Variants in ZMAT4 observed in about 807,000 individuals in gnomAD.
ZMAT4 encodes the protein zinc finger matrin-type protein 4.
A neutral mutation model predicts 28.7 loss-of-function variants in ZMAT4; 17 were observed. The observed-to-expected ratio is 0.59, with a 90% confidence interval of 0.41 to 0.89. The LOEUF (loss-of-function observed/expected upper bound fraction) is 0.89. Ranked by LOEUF, ZMAT4 falls within the 40% of genes least tolerant of loss-of-function variation. ZMAT4 has a pLI of 0.00. For synonymous variants in ZMAT4, 117 were observed against 109.2 expected (o/e 1.07, Z -0.44); for missense variants, 240 against 283.8 (o/e 0.85, Z 1.11).
intron 1 of ZMAT4, among the ~76,000 whole-genome samples, chr8:40,841,817 T>G (rs972129055): frequency 1.4e-4 from 21 of 152,322 alleles, no homozygotes; most frequent in South Asian, 2.1e-4. Flanking sequence ...CCAGTAGAAC[T>G]CCCTGTTTCT....
chr8:40,857,113 G>C (rs1817326381), intron 1 of ZMAT4, among the ~76,000 whole-genome samples: 1 of 152,204 alleles, frequency 6.6e-6, no homozygotes. Context: ...TGGAGGGAGG[G>C]AGGCAAGTGA....
intron 1 of ZMAT4, among the ~76,000 whole-genome samples, chr8:40,881,492 A>AAAGG (rs1371721936): frequency 4.8e-5 from 7 of 146,530 alleles, no homozygotes; most frequent in Non-Finnish European, 1.5e-5. Context: ...AGAAAGAAAG[A>AAAGG]AAGAAAGAGG....
chr8:40,800,672 T>C (rs60541898), intron 2 of ZMAT4, among the ~76,000 whole-genome samples: 20,560 of 149,404 alleles, frequency 0.14, 1,943 homozygotes, highest in East Asian at 0.34. Flanking sequence ...CAAAAAAAAC[T>C]CAAGAAACAC....
At chr8:40,570,189 T>C (rs1264735095) in intron 6 of ZMAT4, among the ~76,000 whole-genome samples, 1 of 152,182 alleles carries the variant, frequency 6.6e-6, no homozygotes, top group Non-Finnish European at 1.5e-5. Context: ...AAGACTAGAC[T>C]ACAGTGATAG....
At chr8:40,888,210 G>A (rs1473435686) in intron 1 of ZMAT4, among the ~76,000 whole-genome samples, 1 of 152,184 alleles carries the variant, frequency 6.6e-6, no homozygotes, top group African/African-American at 2.4e-5. Flanking sequence ...CATCAGGTAG[G>A]CCAGCAGGAA....
At chr8:40,657,236 G>A (rs548243343) in intron 5 of ZMAT4, among the ~76,000 whole-genome samples, 2 of 152,044 alleles carry the variant, frequency 1.3e-5, no homozygotes, top group African/African-American at 2.4e-5. Flanking sequence ...CAAAGAAAGC[G>A]TGTTATGCTA....
At chr8:40,872,629 G>A (rs1817902350) in intron 1 of ZMAT4, among the ~76,000 whole-genome samples, 1 of 152,202 alleles carries the variant, frequency 6.6e-6, no homozygotes, top group African/African-American at 2.4e-5. Flanking sequence ...GGTGACAGCA[G>A]AGTACTCCTT....
intron 5 of ZMAT4, among the ~76,000 whole-genome samples, chr8:40,610,115 C>T (rs1276798738): frequency 6.6e-6 from 1 of 152,160 alleles, no homozygotes; most frequent in South Asian, 2.1e-4. Context: ...TCTAATAATT[C>T]CAGTCTTTGA....
chr8:40,768,122 C>T (rs1300095401), intron 2 of ZMAT4, among the ~76,000 whole-genome samples: 1 of 152,180 alleles, frequency 6.6e-6, no homozygotes, highest in Non-Finnish European at 1.5e-5. Context: ...GGTCTGGGGA[C>T]AATGCCTCCT....
intron 2 of ZMAT4, among the ~76,000 whole-genome samples, chr8:40,802,647 C>A (rs1377794451): frequency 6.6e-6 from 1 of 152,084 alleles, no homozygotes; most frequent in Non-Finnish European, 1.5e-5. Context: ...CCAATTTATT[C>A]TATAGATTCA....
chr8:40,774,815 G>T (rs372796375), intron 2 of ZMAT4, among the ~76,000 whole-genome samples: 34 of 152,114 alleles, frequency 2.2e-4, no homozygotes, highest in African/African-American at 7.5e-4. Flanking sequence ...GATTAGCATT[G>T]TTTATATGGA....
At chr8:40,791,707 C>T (rs1043945330) in intron 2 of ZMAT4, among the ~76,000 whole-genome samples, 1 of 152,180 alleles carries the variant, frequency 6.6e-6, no homozygotes, top group African/African-American at 2.4e-5. Context: ...TAGCTATTGA[C>T]CAACTACGGA....
At chr8:40,735,220 G>T (rs181506418) in intron 3 of ZMAT4, among the ~76,000 whole-genome samples, 9 of 152,340 alleles carry the variant, frequency 5.9e-5, no homozygotes, top group Non-Finnish European at 1.0e-4. Flanking sequence ...CATCTGCAAA[G>T]TAAGACATGA....
At chr8:40,848,867 G>A (rs1042759701) in intron 1 of ZMAT4, among the ~76,000 whole-genome samples, 2 of 152,064 alleles carry the variant, frequency 1.3e-5, no homozygotes, top group Non-Finnish European at 2.9e-5. Context: ...TCCGTCCATT[G>A]TGGTTCCTGG....
At chr8:40,731,727 G>T (rs945756961) in intron 3 of ZMAT4, among the ~76,000 whole-genome samples, 4 of 152,178 alleles carry the variant, frequency 2.6e-5, no homozygotes, top group Non-Finnish European at 4.4e-5. Context: ...TCAAGAAAAT[G>T]ATTTATGAAT....
chr8:40,808,281 G>A (rs989503418), intron 2 of ZMAT4, among the ~76,000 whole-genome samples: 4 of 151,348 alleles, frequency 2.6e-5, no homozygotes, highest in African/African-American at 7.3e-5. Context: ...TTAGATCAAA[G>A]GAAACTACTA....
intron 3 of ZMAT4, among the ~76,000 whole-genome samples, chr8:40,728,843 G>GTGC (rs1299759982): frequency 6.6e-6 from 1 of 152,028 alleles, no homozygotes; most frequent in African/African-American, 2.4e-5. Flanking sequence ...CTCATGTGTA[G>GTGC]TCAACCCGCC....
chr8:40,802,713 T>G (rs1814905158), intron 2 of ZMAT4, among the ~76,000 whole-genome samples: 1 of 152,160 alleles, frequency 6.6e-6, no homozygotes, highest in African/African-American at 2.4e-5. Context: ...TTGAATCAAT[T>G]TAGAAATTGA....
At chr8:40,623,043 TGTATTAA>T (rs1211859101) in intron 5 of ZMAT4, among the ~76,000 whole-genome samples, 1 of 152,218 alleles carries the variant, frequency 6.6e-6, no homozygotes, top group Non-Finnish European at 1.5e-5. Context: ...TGTCAGAGTC[TGTATTAA>T]GTACTGGGGA....
Sources: allele counts gnomAD v4.1 joint callset (sites outside exome capture counted in the v4.1 genomes callset), GRCh38; gene constraint gnomAD v4.1.1; transcripts MANE v1.5; gene names NCBI Gene and HGNC (gene_info 2026-07-23, HGNC 2026-07-21).